The following FAM117B variants were observed in gnomAD, a reference collection of about 807,000 sequenced individuals.
FAM117B encodes the protein family with sequence similarity 117 member B.
In FAM117B, 22 loss-of-function variants were observed where a neutral mutation model predicts 52.8. The ratio of observed to expected loss-of-function variants is 0.42; its 90% CI spans 0.30 to 0.59. The LOEUF (loss-of-function observed/expected upper bound fraction) is 0.59. FAM117B is among the 20% of genes least tolerant of loss of function. The pLI is 0.22. For synonymous variants in FAM117B, 309 were observed against 324.1 expected, an observed-to-expected ratio of 0.95 and a Z score of 0.50; for missense variants, 678 against 802.6, an observed-to-expected ratio of 0.84 and a Z score of 1.88.
At chr2:202,671,930 CA>C (rs1336708034) in intron 1 of FAM117B, among the ~76,000 whole-genome samples, 2 of 152,168 alleles carry the variant, frequency 1.3e-5, no homozygotes, top group Admixed American at 6.5e-5. Flanking sequence ...TGACACTCCA[CA>C]ATCTAAGAGT....
At chr2:202,705,464 T>G (rs746898882) in intron 2 of FAM117B, among the ~76,000 whole-genome samples, 1 of 152,228 alleles carries the variant, frequency 6.6e-6, no homozygotes, top group Non-Finnish European at 1.5e-5. Flanking sequence ...TCATAATTAC[T>G]TGACACAAAG....
At chr2:202,758,016 A>G (rs531596105) in intron 6 of FAM117B, among the ~76,000 whole-genome samples, 1 of 152,360 alleles carries the variant, frequency 6.6e-6, no homozygotes, top group African/African-American at 2.4e-5. Flanking sequence ...GCCTTTTAAA[A>G]CAAATATTAG....
intron 2 of FAM117B, among the ~76,000 whole-genome samples, chr2:202,702,640 G>A (rs1217013595): frequency 1.3e-5 from 2 of 151,932 alleles, no homozygotes; most frequent in African/African-American, 4.8e-5. Flanking sequence ...TGCAAACTCC[G>A]CCTCCCAGGT....
intron 2 of FAM117B, among the ~76,000 whole-genome samples, chr2:202,708,376 ATAT>A (rs1690907209): frequency 6.6e-6 from 1 of 152,196 alleles, no homozygotes; most frequent in African/African-American, 2.4e-5. Context: ...CAGTTCATCC[ATAT>A]TATCATATAC....
At chr2:202,676,182 A>G (rs1690377004) in intron 1 of FAM117B, among the ~76,000 whole-genome samples, 1 of 152,052 alleles carries the variant, frequency 6.6e-6, no homozygotes, top group Admixed American at 6.6e-5. Flanking sequence ...GGCCAACAAC[A>G]GTCAGCACGG....
At chr2:202,695,646 A>G (rs1181928325) in intron 1 of FAM117B, among the ~76,000 whole-genome samples, 1 of 152,192 alleles carries the variant, frequency 6.6e-6, no homozygotes, top group Admixed American at 6.5e-5. Flanking sequence ...TGCTGTGCCT[A>G]ACTTACAAGT....
At chr2:202,668,396 C>T (rs1298859753) in intron 1 of FAM117B, among the ~76,000 whole-genome samples, 9 of 146,736 alleles carry the variant, frequency 6.1e-5, no homozygotes, top group Non-Finnish European at 1.4e-4. Flanking sequence ...GGCATAGTGG[C>T]GGGTGCCTGT....
In FAM117B at chr2:202,707,873, A is replaced by G. The variant is rs1031326329; in HGVS notation, c.753+11841A>G. ...AGCCTCCGCCTCCCAGGTTCAAGCAATCTCCTGCCTCAGCCTCCCGAGTAG... is the reference window on the plus strand; with the variant it reads ...AGCCTCCGCCTCCCAGGTTCAAGCAGTCTCCTGCCTCAGCCTCCCGAGTAG... On this transcript the variant is annotated intron_variant, in intron 2 of 7. Transcript: ENST00000392238. Among the ~76,000 whole-genome samples, 14 of 151,662 alleles carry G rather than the reference A, an allele frequency of 9.2e-5. 1 individual carries two copies. The East Asian group carries it at 2.5e-3, about 28-fold the overall frequency.
chr2:202,668,600 A>G (rs1690246602), intron 1 of FAM117B, among the ~76,000 whole-genome samples: 1 of 146,362 alleles, frequency 6.8e-6, no homozygotes, highest in Non-Finnish European at 1.5e-5. Context: ...AGCCTGGGCT[A>G]CAGAGTGAGA....
intron 2 of FAM117B, among the ~76,000 whole-genome samples, chr2:202,718,124 G>T (rs546123531): frequency 6.6e-6 from 1 of 152,100 alleles, no homozygotes; most frequent in African/African-American, 2.4e-5. Context: ...AGGCCCAAAA[G>T]CTCTTCAGTC....
intron 4 of FAM117B, among the ~76,000 whole-genome samples, chr2:202,742,822 A>G (rs903819518): frequency 1.3e-5 from 2 of 152,232 alleles, no homozygotes; most frequent in South Asian, 2.1e-4. Flanking sequence ...TGATGCTACC[A>G]GTGCATGCAT....
chr2:202,758,623 A>T (rs1019299726), intron 6 of FAM117B, among the ~76,000 whole-genome samples: 1 of 152,228 alleles, frequency 6.6e-6, no homozygotes, highest in African/African-American at 2.4e-5. Context: ...TAAATTGAGG[A>T]TATCAGCACT....
chr2:202,766,061 AACACACACACACACACACACAC>A lies in FAM117B; in HGVS notation c.*322_*343del, dbSNP rs34556556. 1.5e-4 allele frequency: 31 copies of A among 203,094 alleles called. No homozygotes were observed. Among genetic ancestry groups the A allele is most frequent in the East Asian group, 7.2e-4 (5 of 6,970 alleles). 12.6% of individuals were successfully genotyped at this position (203,094 alleles called of 1,614,324 possible). A position where few individuals can be genotyped will look rare whatever the true frequency, so the allele number is the denominator to read the frequency against. On this transcript the variant is annotated 3_prime_UTR_variant, in exon 8 of 8. Coordinates refer to ENST00000392238, the MANE Select transcript of FAM117B (RefSeq NM_173511.4). ...TTGTTTTCGAATTAGACTTCTTTAA[AACACACACACACACACACACAC>A]ACACACACACACACACACACACACC... is the stretch of plus-strand genomic sequence containing the variant.
chr2:202,755,100 G>GT (rs1422396285), intron 4 of FAM117B, among the ~76,000 whole-genome samples: 2 of 151,794 alleles, frequency 1.3e-5, no homozygotes, highest in African/African-American at 4.8e-5. Flanking sequence ...ACCAGATTTC[G>GT]TAAGAACTCA....
At chr2:202,714,533 CTTTTTT>C (rs1034689626) in intron 2 of FAM117B, among the ~76,000 whole-genome samples, 3 of 117,658 alleles carry the variant, frequency 2.5e-5, no homozygotes, top group Middle Eastern at 4.8e-3. Flanking sequence ...TTTTTTTTTT[CTTTTTT>C]TTTTTTTTTT....
intron 2 of FAM117B, among the ~76,000 whole-genome samples, chr2:202,716,919 CTCTGTGTT>C (rs1691067236): frequency 6.6e-6 from 1 of 152,168 alleles, no homozygotes; most frequent in Non-Finnish European, 1.5e-5. Flanking sequence ...TGAATTCCTT[CTCTGTGTT>C]ATCTGGAATT....
intron 1 of FAM117B, among the ~76,000 whole-genome samples, chr2:202,654,411 T>C (rs1392526933): frequency 6.6e-6 from 1 of 152,166 alleles, no homozygotes; most frequent in Non-Finnish European, 1.5e-5. Context: ...TCTTGTCTTG[T>C]AGTTAAACTT....
intron 2 of FAM117B, among the ~76,000 whole-genome samples, chr2:202,707,631 T>C (rs939039884): frequency 3.3e-5 from 5 of 151,576 alleles, no homozygotes; most frequent in African/African-American, 7.3e-5. Flanking sequence ...CACTTGAACC[T>C]GGGAGGTGGA....
intron 1 of FAM117B, among the ~76,000 whole-genome samples, chr2:202,690,688 C>T (rs1690607431): frequency 6.6e-6 from 1 of 152,142 alleles, no homozygotes; most frequent in Admixed American, 6.5e-5. Context: ...ACTGCAAGTC[C>T]ATGGTCTTAG....
Sources: allele counts gnomAD v4.1 joint callset (sites outside exome capture counted in the v4.1 genomes callset), GRCh38; gene constraint gnomAD v4.1.1; transcripts MANE v1.5; gene names NCBI Gene and HGNC (gene_info 2026-07-23, HGNC 2026-07-21).